Variants in SLC47A2 observed in about 807,000 individuals in gnomAD.
SLC47A2 encodes the protein solute carrier family 47 member 2.
SLC47A2 carries 52 observed loss-of-function variants against 67.7 expected under a neutral mutation model. The ratio of observed to expected loss-of-function variants is 0.77; its 90% CI spans 0.61 to 0.97. SLC47A2 has a LOEUF of 0.97. Ranked by LOEUF, SLC47A2 falls within the 50% of genes least tolerant of loss-of-function variation. SLC47A2 has a pLI of 0.00. For synonymous variants in SLC47A2, 278 were observed against 292.9 expected, an observed-to-expected ratio of 0.95 and a Z score of 0.52; for missense variants, 676 against 712.3, an observed-to-expected ratio of 0.95 and a Z score of 0.58.
chr17:19,696,516 A>T (rs1168023012), intron 13 of SLC47A2, among the ~76,000 whole-genome samples: 1 of 151,858 alleles, frequency 6.6e-6, no homozygotes, highest in Non-Finnish European at 1.5e-5. Flanking sequence ...TGGAAGGAAG[A>T]CTTGAAGAGA....
intron 5 of SLC47A2, 129 bp downstream of exon 5, chr17:19,712,574 T>A: frequency 3.4e-6 from 3 of 895,290 alleles, no homozygotes; most frequent in Non-Finnish European, 5.3e-6. Flanking sequence ...GGAACTTTTG[T>A]CAGTCACCCT....
chr17:19,693,611 A>AAATAAT (rs61226037), intron 13 of SLC47A2, among the ~76,000 whole-genome samples: 36,469 of 146,148 alleles, frequency 0.25, 5,085 homozygotes, highest in East Asian at 0.47. Context: ...TCTCTACTAA[A>AAATAAT]AATAATAATA....
In SLC47A2 at chr17:19,694,713, C is replaced by T. The variant is rs753241565; in HGVS notation, c.1164+7892G>A. On this transcript the variant is annotated intron_variant, in intron 13 of 16. Coordinates refer to ENST00000433844, the MANE Select transcript of SLC47A2 (RefSeq NM_001099646.3). ...CGGGTGGATCACGAGGTCAGGAATT[C>T]GAAACCAGCCTGGCCAACATGGTGA... 3.3e-5 allele frequency among the ~76,000 whole-genome samples: 5 copies of T among 152,014 alleles called. 1 individual carries two copies. Among genetic ancestry groups the T allele is most frequent in the Admixed American group, 1.3e-4 (2 of 15,254 alleles).
intron 4 of SLC47A2, among the ~76,000 whole-genome samples, chr17:19,713,041 A>C (rs1212368039): frequency 6.6e-6 from 1 of 152,208 alleles, no homozygotes; most frequent in Admixed American, 6.5e-5. Context: ...AAATGTACAT[A>C]ATATAAATGA....
At chr17:19,681,499 G>A (rs151173119) in intron 14 of SLC47A2, 38 bp from the exon 15 acceptor site, 18 of 1,613,934 alleles carry the variant, frequency 1.1e-5, no homozygotes, top group East Asian at 6.7e-5. Flanking sequence ...AATGTCCGAC[G>A]ACCACCCAGG....
chr17:19,711,378 G>A (rs1036889283), intron 5 of SLC47A2, among the ~76,000 whole-genome samples: 3 of 150,884 alleles, frequency 2.0e-5, no homozygotes, highest in Non-Finnish European at 4.4e-5. Context: ...GATCACCTGA[G>A]GTCAGGAGTT....
chr17:19,715,141 A>C lies in SLC47A2; in HGVS notation c.200T>G (p.Leu67Arg). The C allele has an allele frequency of 6.2e-7, 1 of 1,612,574 alleles. No individual in the cohort carries two copies. The highest frequency in any genetic ancestry group is 8.5e-7 in the Non-Finnish European group (1 of 1,179,986). The change falls in exon 2 of 17, where the codon CTG (leucine) becomes CGG (arginine). Residue 67 changes from leucine (L) to arginine (R), a missense_variant. Physicochemically the swap from Leu to Arg is moderately radical, Grantham distance 102. Transcript: ENST00000433844. ...VFCGHLGKVE[L>R]ASVTLAVAFV... ...GGCCACCGCGAGGGTCACCGATGCCAGCTCCACCTTGCCCAGGTGCCCGCA... is the reference window on the plus strand; with the variant it reads ...GGCCACCGCGAGGGTCACCGATGCCCGCTCCACCTTGCCCAGGTGCCCGCA...
At chr17:19,702,793 C>A in intron 12 of SLC47A2, 119 bp from the exon 13 acceptor site, 1 of 1,162,354 alleles carries the variant, frequency 8.6e-7, no homozygotes, top group Non-Finnish European at 1.2e-6. Context: ...GTAGTTGCCC[C>A]ACACAAATGT....
intron 8 of SLC47A2, among the ~76,000 whole-genome samples, chr17:19,707,199 C>G (rs1360631125): frequency 6.6e-6 from 1 of 152,166 alleles, no homozygotes; most frequent in African/African-American, 2.4e-5. Context: ...AGCCAGGGCC[C>G]TGCCCCACAT....
chr17:19,700,787 G>C (rs1443849605), intron 13 of SLC47A2, among the ~76,000 whole-genome samples: 2 of 145,848 alleles, frequency 1.4e-5, no homozygotes, highest in African/African-American at 2.5e-5. Context: ...AAAAAGCAAA[G>C]CTATTCCTAG....
upstream of SLC47A2, chr17:19,718,203 G>C (rs1308258001): frequency 6.6e-6 from 1 of 152,306 alleles, no homozygotes; most frequent in Admixed American, 6.5e-5. Flanking sequence ...CCAGCTGACA[G>C]GGCCTCTGGG....
Position 19,708,292 on chromosome 17 carries a change from C to G in SLC47A2, c.629+10G>C. Reference sequence around the variant, plus strand: ...TCCCCTGACCAGGCCCCACCAGCCCCCGGGCTCACCTGACCCCCAGGTTCA... The same window carrying G: ...TCCCCTGACCAGGCCCCACCAGCCCGCGGGCTCACCTGACCCCCAGGTTCA... On this transcript the variant is annotated intron_variant, in intron 7 of 16. Transcript: ENST00000433844. The G allele has an allele frequency of 1.2e-6, 2 of 1,612,210 alleles. No homozygotes were observed. The highest frequency in any genetic ancestry group is 1.7e-6 in the Non-Finnish European group (2 of 1,180,002).
chr17:19,707,967 C>T (rs1756744061), intron 7 of SLC47A2, 124 bp from the exon 8 acceptor site: 1 of 954,826 alleles, frequency 1.0e-6, no homozygotes, highest in African/African-American at 1.6e-5. Flanking sequence ...CTTCCCCCAT[C>T]CTGGGATCAG....
intron 2 of SLC47A2, 120 bp from the exon 3 acceptor site, chr17:19,714,909 C>T (rs1011834006): frequency 1.8e-5 from 26 of 1,425,332 alleles, no homozygotes; most frequent in Non-Finnish European, 2.5e-5. Context: ...GGCAGAGGCT[C>T]TGCTCAGCAG....
intron 13 of SLC47A2, among the ~76,000 whole-genome samples, chr17:19,693,766 C>G (rs1300464749): frequency 6.6e-6 from 1 of 152,102 alleles, no homozygotes; most frequent in Non-Finnish European, 1.5e-5. Flanking sequence ...CCATTGCTCT[C>G]TAGCCTGGGC....
At position 19,713,970 on chromosome 17, in the gene SLC47A2, A is replaced by T. The variant is rs1040711537; in HGVS notation, c.298T>A (p.Phe100Ile). 8.1e-6 allele frequency: 13 copies of T among 1,611,770 alleles called. No individual in the cohort carries two copies. The highest frequency in any genetic ancestry group is 1.3e-5 in the African/African-American group (1 of 74,878). The change falls in exon 4 of 17, where the codon TTC becomes ATC. Residue 100 changes from phenylalanine to isoleucine, a missense_variant. Coordinates refer to ENST00000433844, the MANE Select transcript of SLC47A2 (RefSeq NM_001099646.3). ...SACDTLMSQS[F>I]GSPNKKHVGV... ...ACGTGCTTCTTGTTGGGGCTGCCGA[A>T]GCTCTGCAAAACAGCCCGCCCCGCG... is the stretch of plus-strand genomic sequence containing the variant.
At chr17:19,710,943 G>A (rs1223455028) in intron 5 of SLC47A2, among the ~76,000 whole-genome samples, 2 of 151,546 alleles carry the variant, frequency 1.3e-5, no homozygotes, top group Non-Finnish European at 2.9e-5. Context: ...CCGAGTAACT[G>A]GGATTTCAGG....
At chr17:19,708,537 C>T (rs2152356047) in intron 6 of SLC47A2, 138 bp from the exon 7 acceptor site, 1 of 1,612,262 alleles carries the variant, frequency 6.2e-7, no homozygotes, top group East Asian at 2.2e-5. Context: ...GGCTGGGACG[C>T]ACAGCCTCTC....
At chr17:19,694,732 A>G (rs1305251697) in intron 13 of SLC47A2, among the ~76,000 whole-genome samples, 1 of 152,130 alleles carries the variant, frequency 6.6e-6, no homozygotes, top group East Asian at 1.9e-4. Flanking sequence ...CCTGGCCAAC[A>G]TGGTGAAACC....
Sources: gnomAD v4.1 joint callset for allele counts (sites outside exome capture counted in the v4.1 genomes callset) on GRCh38, gnomAD v4.1.1 for gene constraint, MANE v1.5 for transcripts, NCBI Gene and HGNC (gene_info 2026-07-23, HGNC 2026-07-21) for gene names.